The following PAPPA variants were observed in gnomAD, a reference collection of about 807,000 sequenced individuals.
PAPPA encodes the protein pappalysin 1, also known as pappalysin-1.
A neutral mutation model predicts 164.0 loss-of-function variants in PAPPA; 60 were observed. That is an observed-to-expected ratio of 0.37 (90% CI 0.30 to 0.45). The LOEUF is 0.45. Ranked by LOEUF, PAPPA falls within the 20% of genes least tolerant of loss-of-function variation. The probability of loss-of-function intolerance (pLI) is 1.00; values close to 1 mark genes in which losing one functional copy is unlikely to be tolerated. For synonymous variants in PAPPA, 875 were observed against 814.1 expected (o/e 1.07, Z -1.27); for missense variants, 1,782 against 2,087.3 (o/e 0.85, Z 2.85).
chr9:116,219,999 C>T lies in PAPPA; in HGVS notation c.1981C>T (p.Leu661=), dbSNP rs748152029. The stretch of plus-strand genomic sequence containing the variant: ...CGCCAGAATGCACTGTTACCTGGAC[C>T]TGGTCTACCAGGGCTGGCAGCCCTC... ...QVARMHCYLD[L]VYQGWQPSRK... is the part of the protein sequence containing the mutation. Residue 661 remains leucine (L), a synonymous_variant, in exon 5 of 22, where the codon CTG becomes TTG. Coordinates refer to ENST00000328252, the MANE Select transcript of PAPPA (RefSeq NM_002581.5). The T allele has an allele frequency of 3.1e-6, 5 of 1,614,022 alleles. No homozygotes were observed. In the Admixed American group the frequency reaches 8.3e-5, roughly 27 times the overall value.
At chr9:116,193,307 C>T (rs542187295) in intron 2 of PAPPA, among the ~76,000 whole-genome samples, 1 of 152,232 alleles carries the variant, frequency 6.6e-6, no homozygotes, top group East Asian at 1.9e-4. Context: ...AGCCTCTTCC[C>T]CTGCTCTAAT....
At chr9:116,341,540 C>G (rs1425296868) in intron 13 of PAPPA, among the ~76,000 whole-genome samples, 1 of 152,168 alleles carries the variant, frequency 6.6e-6, no homozygotes, top group African/African-American at 2.4e-5. Context: ...GTGCCTTGCC[C>G]CTTTCCACCA....
At chr9:116,268,491 G>A (rs755923219) in intron 8 of PAPPA, among the ~76,000 whole-genome samples, 16 of 152,074 alleles carry the variant, frequency 1.1e-4, no homozygotes, top group Non-Finnish European at 2.2e-4. Flanking sequence ...GCAGTCACTG[G>A]TGATAACTCA....
intron 13 of PAPPA, among the ~76,000 whole-genome samples, chr9:116,339,252 T>A (rs1017794973): frequency 6.6e-6 from 1 of 152,128 alleles, no homozygotes; most frequent in Non-Finnish European, 1.5e-5. Context: ...TGGAACTCTT[T>A]AAAGAAATGA....
intron 10 of PAPPA, among the ~76,000 whole-genome samples, chr9:116,325,381 G>A (rs1033781000): frequency 9.2e-5 from 14 of 152,086 alleles, no homozygotes; most frequent in Admixed American, 1.3e-4. Flanking sequence ...GCCCTTAAAG[G>A]TCATTCCGTG....
In PAPPA at chr9:116,154,272, G is replaced by A; in HGVS notation, c.100G>A (p.Ala34Thr). 5 of 1,075,648 alleles carry A rather than the reference G, an allele frequency of 4.6e-6. No homozygotes were observed. Among genetic ancestry groups the A allele is most frequent in the Non-Finnish European group, 5.6e-6 (5 of 889,094 alleles). The allele number at this position is 1,075,648 out of a possible 1,614,324, so 66.6% of individuals were successfully genotyped here. A position where few individuals can be genotyped will look rare whatever the true frequency, so the allele number is the denominator to read the frequency against. The change falls in exon 1 of 22, where the codon GCC becomes ACC. Residue 34 changes from alanine (A) to threonine (T), a missense_variant. Ala to Thr is a moderately conservative substitution (Grantham distance 58, BLOSUM62 0). Transcript: ENST00000328252. This position sits in a 1 kb window ranked among gnomAD's most constrained non-coding sequence, Gnocchi z 5.2. ...RPRRARRDPR[A>T]GRPPRPAAGP... ...CCGCCGGGCCCGGAGAGACCCGCGG[G>A]CCGGCCGACCCCCGCGCCCCGCCGC...
intron 21 of PAPPA, among the ~76,000 whole-genome samples, chr9:116,384,334 G>C (rs1846775978): frequency 6.6e-6 from 1 of 150,744 alleles, no homozygotes; most frequent in Non-Finnish European, 1.5e-5. Context: ...CAGGTCTGTA[G>C]TCCCAGCTAC....
chr9:116,242,986 A>G (rs1181915587), intron 7 of PAPPA, among the ~76,000 whole-genome samples: 2 of 152,114 alleles, frequency 1.3e-5, no homozygotes, highest in African/African-American at 4.8e-5. Context: ...TGACTTGTCT[A>G]TTCATATCCT....
At chr9:116,251,189 T>C (rs1043428179) in intron 7 of PAPPA, among the ~76,000 whole-genome samples, 2 of 152,292 alleles carry the variant, frequency 1.3e-5, no homozygotes, top group Middle Eastern at 3.4e-3. Flanking sequence ...AAATAGCTCT[T>C]ACAAAATAGC....
intron 21 of PAPPA, among the ~76,000 whole-genome samples, chr9:116,386,537 G>A (rs1442151799): frequency 6.6e-6 from 1 of 152,178 alleles, no homozygotes; most frequent in Non-Finnish European, 1.5e-5. Context: ...TCTGGGCTTA[G>A]AGTACATATG....
At chr9:116,303,053 C>T in intron 10 of PAPPA, 103 bp downstream of exon 10, 1 of 825,846 alleles carries the variant, frequency 1.2e-6, no homozygotes, top group Non-Finnish European at 1.9e-6. Flanking sequence ...GCTATAGCCA[C>T]TTGAGCATAT....
intron 3 of PAPPA, among the ~76,000 whole-genome samples, chr9:116,210,036 A>G (rs1844287616): frequency 2.0e-5 from 3 of 152,198 alleles, no homozygotes; most frequent in African/African-American, 4.8e-5. Context: ...TTTTTCTGCT[A>G]TTACACCATG....
At chr9:116,340,463 A>G (rs1564232702) in intron 13 of PAPPA, among the ~76,000 whole-genome samples, 1 of 152,266 alleles carries the variant, frequency 6.6e-6, no homozygotes, top group African/African-American at 2.4e-5. Context: ...TAAAACTCTT[A>G]GTCCTAGTTT....
At chr9:116,372,703 G>A (rs757979996) in intron 19 of PAPPA, among the ~76,000 whole-genome samples, 1 of 151,806 alleles carries the variant, frequency 6.6e-6, no homozygotes. Context: ...TTTTATAATA[G>A]CTTCTGAAAA....
intron 9 of PAPPA, among the ~76,000 whole-genome samples, chr9:116,284,545 CTTT>C (rs61248033): frequency 4.5e-5 from 4 of 88,258 alleles, no homozygotes; most frequent in South Asian, 1.1e-3. Flanking sequence ...TAGTCTGGGC[CTTT>C]TTTTTTTTTT....
chr9:116,362,509 T>G (rs1846440622), intron 17 of PAPPA, 83 bp from the exon 18 acceptor site: 1 of 1,435,292 alleles, frequency 7.0e-7, no homozygotes, highest in Non-Finnish European at 9.5e-7. Context: ...AGATGAAAAA[T>G]TCTTTTCTGT....
chr9:116,333,863 C>T (rs776517467), intron 12 of PAPPA, among the ~76,000 whole-genome samples: 30 of 152,116 alleles, frequency 2.0e-4, no homozygotes, highest in Non-Finnish European at 3.4e-4. Context: ...TTCCCCTCCA[C>T]CCCCACCATC....
intron 8 of PAPPA, among the ~76,000 whole-genome samples, chr9:116,268,845 G>A (rs1480260646): frequency 7.9e-6 from 1 of 126,686 alleles, no homozygotes; most frequent in South Asian, 3.2e-4. Context: ...CTAAGTAGGG[G>A]TGGGGGGGTA....
At chr9:116,175,664 T>C (rs1234129969) in intron 1 of PAPPA, among the ~76,000 whole-genome samples, 1 of 152,104 alleles carries the variant, frequency 6.6e-6, no homozygotes, top group Non-Finnish European at 1.5e-5. Flanking sequence ...TGAGGACTTA[T>C]GTCCTAGCCA....
Sources: allele counts gnomAD v4.1 joint callset (sites outside exome capture counted in the v4.1 genomes callset), GRCh38; gene constraint gnomAD v4.1.1; non-coding constraint Gnocchi (gnomAD v3.1); transcripts MANE v1.5; gene names NCBI Gene and HGNC (gene_info 2026-07-23, HGNC 2026-07-21).